NADSYN1: variants seen among roughly 807,000 people sequenced by gnomAD.
The protein encoded by NADSYN1 is glutamine-dependent NAD(+) synthetase.
Under a neutral mutation model 99.3 loss-of-function variants are expected in NADSYN1, and 80 were observed. That is an observed-to-expected ratio of 0.81 (90% CI 0.67 to 0.97). The LOEUF is 0.97. Ranked by LOEUF, NADSYN1 falls within the 50% of genes least tolerant of loss-of-function variation. The pLI, the probability that NADSYN1 is intolerant of heterozygous loss-of-function variation, is 0.00. For missense variants in NADSYN1, 859 were observed against 948.5 expected (o/e 0.91, Z 1.24); for synonymous variants, 385 against 372.1 (o/e 1.03, Z -0.40).
At chr11:71,461,467 C>T (rs1017841806) in intron 3 of NADSYN1, among the ~76,000 whole-genome samples, 2 of 152,080 alleles carry the variant, frequency 1.3e-5, no homozygotes, top group African/African-American at 2.4e-5. Flanking sequence ...CTCACTCTGT[C>T]GCACAGGCTG....
intron 18 of NADSYN1, chr11:71,497,156 G>A (rs1488408674): frequency 3.0e-6 from 1 of 332,854 alleles, no homozygotes; most frequent in African/African-American, 2.1e-5. Context: ...GGGATTACAA[G>A]TGTGAGCCAC....
chr11:71,480,820 G>A lies in NADSYN1; in HGVS notation c.939G>A (p.Leu313=). 6.2e-7 allele frequency: 1 copy of A among 1,614,180 alleles called. No individual in the cohort carries two copies. The highest frequency in any genetic ancestry group is 8.5e-7 in the Non-Finnish European group (1 of 1,180,028). Residue 313 remains leucine (L), a synonymous_variant, in exon 11 of 21, where the codon TTG becomes TTA. Coordinates refer to ENST00000319023, the MANE Select transcript of NADSYN1 (RefSeq NM_018161.5). ...VDFALSCHED[L]LAPISEPIEW... is the part of the protein sequence containing the mutation. Reference sequence around the variant, plus strand: ...TTGCCCTCTCGTGCCACGAGGACTTGCTGGCACCCATCTCTGAGCCCATCG... The same window carrying A: ...TTGCCCTCTCGTGCCACGAGGACTTACTGGCACCCATCTCTGAGCCCATCG...
intron 4 of NADSYN1, 29 bp downstream of exon 4, chr11:71,463,514 GT>G (rs1359708792): frequency 3.7e-6 from 6 of 1,603,856 alleles, no homozygotes; most frequent in East Asian, 4.5e-5. Flanking sequence ...CCCCGGGAGG[GT>G]GACTGGGGCC....
At chr11:71,497,727 CTG>C in intron 19 of NADSYN1, 116 bp downstream of exon 19, 2 of 1,316,738 alleles carry the variant, frequency 1.5e-6, no homozygotes, top group South Asian at 1.3e-5. Flanking sequence ...CGTAATAAAA[CTG>C]TATCTCACAC....
Position 71,481,392 on chromosome 11 carries a change from A to G in NADSYN1, c.1035A>G (p.Arg345=). The change falls in exon 12 of 21, where the codon AGA becomes AGG. Residue 345 remains arginine (R), a synonymous_variant. Coordinates refer to ENST00000319023, the MANE Select transcript of NADSYN1 (RefSeq NM_018161.5). ...GPACWLWDFL[R]RSQQAGFLLP... The stretch of plus-strand genomic sequence containing the variant: ...CCTGCTGGCTCTGGGATTTTTTAAG[A>G]CGAAGTCAACAGGTAAGACTTCCAG... The G allele has an allele frequency of 1.9e-6, 3 of 1,613,556 alleles. No individual in the cohort carries two copies. Among genetic ancestry groups the G allele is most frequent in the South Asian group, 1.1e-5 (1 of 91,050 alleles).
intron 18 of NADSYN1, among the ~76,000 whole-genome samples, chr11:71,494,538 C>G (rs61885924): frequency 4.2e-5 from 6 of 144,568 alleles, no homozygotes; most frequent in South Asian, 2.3e-4. Context: ...CCAAAAATTT[C>G]TTTTGTTTTG....
chr11:71,456,766 G>A (rs1949517428), intron 2 of NADSYN1, among the ~76,000 whole-genome samples: 1 of 152,194 alleles, frequency 6.6e-6, no homozygotes, highest in Non-Finnish European at 1.5e-5. Flanking sequence ...CAGCTGAGCA[G>A]GTCTCCAAGT....
At chr11:71,484,594 GTCA>G in intron 15 of NADSYN1, 147 bp downstream of exon 15, 1 of 1,207,288 alleles carries the variant, frequency 8.3e-7, no homozygotes, top group South Asian at 1.5e-5. Context: ...CAGTGCTGGG[GTCA>G]CAGCCTGTAT....
chr11:71,498,517 A>G lies in NADSYN1; in HGVS notation c.2059A>G (p.Ile687Val), dbSNP rs924490916. ...NTSWPWQFRC[I>V]ENQVLQLERA... is the part of the protein sequence containing the mutation. ...AAGCTGGCCTTGGCAGTTTCGGTGC[A>G]TAGAAAATCAGGTAAATCCAGCAGA... Residue 687 changes from isoleucine (I) to valine (V), a missense_variant, in exon 20 of 21, where the codon ATA becomes GTA. Coordinates refer to ENST00000319023, the MANE Select transcript of NADSYN1 (RefSeq NM_018161.5). 2 of 1,613,892 alleles carry G rather than the reference A, an allele frequency of 1.2e-6. No individual in the cohort carries two copies. Among genetic ancestry groups the G allele is most frequent in the Non-Finnish European group, 1.7e-6 (2 of 1,179,826 alleles).
chr11:71,471,720 C>G (rs893435069), intron 5 of NADSYN1, among the ~76,000 whole-genome samples: 7 of 152,180 alleles, frequency 4.6e-5, no homozygotes, highest in Non-Finnish European at 8.8e-5. Flanking sequence ...TCTTCCTGTC[C>G]CCGTTCCCTA....
chr11:71,455,025 A>T, intron 1 of NADSYN1, 85 bp from the exon 2 acceptor site: 1 of 995,292 alleles, frequency 1.0e-6, no homozygotes, highest in Admixed American at 2.3e-5. Context: ...TTTTTATCCT[A>T]CCTACTGCAG....
At position 71,484,325 on chromosome 11, in the gene NADSYN1, C is replaced by A; in HGVS notation, c.1333C>A (p.Leu445Ile). Reference protein sequence around the residue: ...AQQIGSHHISLNIDPAVKAVM... With the variant: ...AQQIGSHHISINIDPAVKAVM... ...TTCTCCTTCCAGCCACCACATCAGTCTCAACATCGATCCAGCCGTGAAGGC... is the reference window on the plus strand; with the variant it reads ...TTCTCCTTCCAGCCACCACATCAGTATCAACATCGATCCAGCCGTGAAGGC... The change falls in exon 15 of 21, where the codon CTC becomes ATC. Residue 445 changes from leucine to isoleucine, a missense_variant. Transcript: ENST00000319023. The A allele has an allele frequency of 6.2e-7, 1 of 1,613,980 alleles. No homozygotes were observed. Among genetic ancestry groups the A allele is most frequent in the Non-Finnish European group, 8.5e-7 (1 of 1,179,852 alleles).
At chr11:71,480,708 G>A (rs1471659698) in intron 10 of NADSYN1, 47 bp from the exon 11 acceptor site, 5 of 1,612,944 alleles carry the variant, frequency 3.1e-6, no homozygotes, top group Non-Finnish European at 4.2e-6. Context: ...GACCCAGAGG[G>A]TTTCCGTGAA....
intron 9 of NADSYN1, chr11:71,476,909 C>G: frequency 3.0e-6 from 3 of 987,668 alleles, no homozygotes; most frequent in Non-Finnish European, 2.4e-6. Context: ...GGAGCCGTTG[C>G]CTTACACGTC....
At chr11:71,469,403 T>C (rs1318930242) in intron 5 of NADSYN1, among the ~76,000 whole-genome samples, 2 of 152,090 alleles carry the variant, frequency 1.3e-5, no homozygotes, top group Admixed American at 1.3e-4. Context: ...CCCGCAGCAC[T>C]AGAGGAATTA....
At chr11:71,461,946 T>G (rs1052420356) in intron 3 of NADSYN1, among the ~76,000 whole-genome samples, 1 of 152,240 alleles carries the variant, frequency 6.6e-6, no homozygotes, top group African/African-American at 2.4e-5. Flanking sequence ...GAGTCGCTTG[T>G]GGTGGCCGCA....
chr11:71,465,562 G>A (rs1246493027), intron 5 of NADSYN1, among the ~76,000 whole-genome samples: 11 of 152,162 alleles, frequency 7.2e-5, no homozygotes, highest in Admixed American at 3.9e-4. Flanking sequence ...GTCATGGGGC[G>A]TCGGCCATGT....
chr11:71,487,762 C>T (rs1591134034), intron 16 of NADSYN1, among the ~76,000 whole-genome samples: 1 of 135,814 alleles, frequency 7.4e-6, no homozygotes, highest in African/African-American at 2.7e-5. Flanking sequence ...ACCCAGGAGG[C>T]GGAGCTGGCA....
At chr11:71,479,831 C>G (rs1318835179) in intron 10 of NADSYN1, 1 of 152,252 alleles carries the variant, frequency 6.6e-6, no homozygotes, top group East Asian at 1.9e-4. Flanking sequence ...CCTCTGTATC[C>G]ATGGGCTTCA....
Sources: allele counts gnomAD v4.1 joint callset (sites outside exome capture counted in the v4.1 genomes callset), GRCh38; gene constraint gnomAD v4.1.1; transcripts MANE v1.5; gene names NCBI Gene and HGNC (gene_info 2026-07-23, HGNC 2026-07-21).